The following ZBTB20 variants were observed in gnomAD, a reference collection of about 807,000 sequenced individuals.
ZBTB20 encodes zinc finger and BTB domain containing 20, also known as zinc finger and BTB domain-containing protein 20.
A neutral mutation model predicts 56.9 loss-of-function variants in ZBTB20; 9 were observed. The observed-to-expected ratio is 0.16, with a 90% CI of 0.10 to 0.28. The LOEUF (loss-of-function observed/expected upper bound fraction) is 0.28, where lower values mean the gene tolerates loss of function less well. Ranked by LOEUF, ZBTB20 falls within the 10% of genes least tolerant of loss-of-function variation. ZBTB20 has a pLI of 1.00. For missense variants in ZBTB20, 655 were observed against 1,003.0 expected (o/e 0.65, Z 4.69); for synonymous variants, 417 against 420.7 (o/e 0.99, Z 0.11).
At chr3:114,490,881 A>G (rs1321252587) in intron 7 of ZBTB20, among the ~76,000 whole-genome samples, 1 of 152,222 alleles carries the variant, frequency 6.6e-6, no homozygotes, top group East Asian at 1.9e-4. Flanking sequence ...GGGTATTGTG[A>G]GGACAGGGCA....
chr3:114,443,310 A>G (rs1455400816), intron 7 of ZBTB20, among the ~76,000 whole-genome samples: 2 of 152,182 alleles, frequency 1.3e-5, no homozygotes, highest in Non-Finnish European at 2.9e-5. Flanking sequence ...CTACAGACAG[A>G]GGTGTAACAA....
At chr3:114,865,170 G>C (rs1419741803) in intron 4 of ZBTB20, among the ~76,000 whole-genome samples, 1 of 152,072 alleles carries the variant, frequency 6.6e-6, no homozygotes, top group Non-Finnish European at 1.5e-5. Flanking sequence ...ACATCACACA[G>C]AAGGATCAAG....
intron 6 of ZBTB20, among the ~76,000 whole-genome samples, chr3:114,654,221 C>T (rs1288257880): frequency 6.6e-6 from 1 of 151,762 alleles, no homozygotes; most frequent in African/African-American, 2.4e-5. Context: ...TTTCTTCTTC[C>T]TTCTAATTTA....
intron 5 of ZBTB20, among the ~76,000 whole-genome samples, chr3:114,729,929 G>A (rs2108534389): frequency 6.7e-6 from 1 of 150,114 alleles, no homozygotes; most frequent in African/African-American, 2.5e-5. Flanking sequence ...TTAGCCTCAT[G>A]AGTAGCTGGG....
intron 5 of ZBTB20, among the ~76,000 whole-genome samples, chr3:114,728,076 C>T (rs2065437949): frequency 6.6e-6 from 1 of 152,126 alleles, no homozygotes; most frequent in Non-Finnish European, 1.5e-5. Flanking sequence ...TAAATATCTT[C>T]ATTGTACAGA....
chr3:114,707,152 T>C (rs990370763), intron 5 of ZBTB20, among the ~76,000 whole-genome samples: 3 of 152,180 alleles, frequency 2.0e-5, no homozygotes, highest in African/African-American at 7.2e-5. Context: ...GAATCAAGCA[T>C]TAAAATGTTA....
In ZBTB20 at chr3:114,339,074, G is replaced by A. The variant is rs2079567681; in HGVS notation, c.2157C>T (p.Val719=). The A allele has an allele frequency of 6.4e-7, 1 of 1,564,472 alleles. No homozygotes were observed. The highest frequency in any genetic ancestry group is 8.7e-7 in the Non-Finnish European group (1 of 1,153,510). Residue 719 remains valine, a synonymous_variant, in exon 12 of 12, where the codon GTC becomes GTT. Coordinates refer to ENST00000675478, the MANE Select transcript of ZBTB20 (RefSeq NM_001348800.3). The surrounding 1 kb of genome is among the most constrained non-coding windows in gnomAD (Gnocchi z 4.2). ...CTEGTTYVCS[V]CPAKFDQIEQ... is the part of the protein sequence containing the mutation. ...CGATTTGGTCAAACTTTGCTGGGCA[G>A]ACGGAGCAGACGTAAGTGGTCCCCT...
At chr3:114,604,993 T>G (rs2204038) in intron 6 of ZBTB20, among the ~76,000 whole-genome samples, 1 of 151,976 alleles carries the variant, frequency 6.6e-6, no homozygotes, top group African/African-American at 2.4e-5. Flanking sequence ...TAAAAATAAG[T>G]AAAATCTATT....
intron 2 of ZBTB20, among the ~76,000 whole-genome samples, chr3:115,044,970 G>C (rs2081282096): frequency 6.6e-6 from 1 of 152,136 alleles, no homozygotes. Context: ...GAAAGGAAAT[G>C]GTATGCCTAT....
intron 10 of ZBTB20, among the ~76,000 whole-genome samples, chr3:114,372,417 G>A (rs2083128291): frequency 6.6e-6 from 1 of 152,164 alleles, no homozygotes; most frequent in Admixed American, 6.5e-5. Flanking sequence ...CAAGGGACCT[G>A]GGAGGATTTT....
At chr3:114,868,840 A>G (rs1576170649) in intron 4 of ZBTB20, among the ~76,000 whole-genome samples, 1 of 152,194 alleles carries the variant, frequency 6.6e-6, no homozygotes, top group Non-Finnish European at 1.5e-5. Flanking sequence ...GCAACTCAAT[A>G]TAACAATACT....
At chr3:114,825,021 C>A (rs745645783) in intron 4 of ZBTB20, among the ~76,000 whole-genome samples, 5 of 151,830 alleles carry the variant, frequency 3.3e-5, no homozygotes, top group African/African-American at 9.7e-5. Flanking sequence ...GATCTTAATA[C>A]CCTGATGAAA....
At chr3:114,759,744 T>G (rs1409882988) in intron 5 of ZBTB20, among the ~76,000 whole-genome samples, 1 of 152,156 alleles carries the variant, frequency 6.6e-6, no homozygotes, top group African/African-American at 2.4e-5. Flanking sequence ...CAATGACTGA[T>G]TTGTTCATGC....
At chr3:114,787,621 C>A (rs2070652539) in intron 5 of ZBTB20, among the ~76,000 whole-genome samples, 1 of 151,678 alleles carries the variant, frequency 6.6e-6, no homozygotes, top group African/African-American at 2.4e-5. Context: ...GGAACTCTTT[C>A]ATATTCTGAT....
intron 6 of ZBTB20, among the ~76,000 whole-genome samples, chr3:114,551,882 A>C (rs1314584749): frequency 2.6e-5 from 4 of 152,196 alleles, no homozygotes; most frequent in Non-Finnish European, 5.9e-5. Flanking sequence ...ACTTTTATTA[A>C]GAACACTTTT....
chr3:115,120,986 A>AAGAATCAACAGGAAGTGATGAC (rs2084167674), intron 1 of ZBTB20, among the ~76,000 whole-genome samples: 1 of 152,118 alleles, frequency 6.6e-6, no homozygotes, highest in Non-Finnish European at 1.5e-5. Context: ...ATTAAATTTC[A>AAGAATCAACAGGAAGTGATGAC]AGAATCAACA....
intron 4 of ZBTB20, among the ~76,000 whole-genome samples, chr3:114,892,317 C>T (rs1335633492): frequency 2.0e-5 from 3 of 152,158 alleles, no homozygotes; most frequent in Non-Finnish European, 2.9e-5. Context: ...TAAGACTGTG[C>T]TGGAACAGCA....
chr3:114,844,866 T>TC (rs1486450050), intron 4 of ZBTB20, among the ~76,000 whole-genome samples: 1 of 150,138 alleles, frequency 6.7e-6, no homozygotes, highest in Non-Finnish European at 1.5e-5. Flanking sequence ...TTTTCTTTTT[T>TC]TTTTTTTTTT....
intron 2 of ZBTB20, among the ~76,000 whole-genome samples, chr3:115,025,275 G>C (rs1202319225): frequency 1.3e-5 from 2 of 151,254 alleles, no homozygotes; most frequent in South Asian, 4.1e-4. Flanking sequence ...AGAAGAACAC[G>C]ATCGCATTCT....
Sources: gnomAD v4.1 joint callset for allele counts (sites outside exome capture counted in the v4.1 genomes callset) on GRCh38, gnomAD v4.1.1 for gene constraint, Gnocchi (gnomAD v3.1) non-coding constraint, MANE v1.5 for transcripts, NCBI Gene and HGNC (gene_info 2026-07-23, HGNC 2026-07-21) for gene names.